Variants in ZBTB44 observed in about 807,000 individuals in gnomAD.
ZBTB44 encodes zinc finger and BTB domain-containing protein 44.
In ZBTB44, 15 loss-of-function variants were observed where a neutral mutation model predicts 54.0. The observed-to-expected ratio is 0.28, with a 90% CI of 0.19 to 0.43. The LOEUF (loss-of-function observed/expected upper bound fraction) is 0.43. Among genes scored for constraint, ZBTB44 ranks in the 20% least tolerant of loss-of-function variants. The probability of loss-of-function intolerance (pLI) is 1.00; values close to 1 mark genes in which losing one functional copy is unlikely to be tolerated. For missense variants in ZBTB44, 487 were observed against 707.1 expected, an observed-to-expected ratio of 0.69 and a Z score of 3.53; for synonymous variants, 230 against 250.1, an observed-to-expected ratio of 0.92 and a Z score of 0.76.
chr11:130,273,235 G>A (rs964416768), intron 1 of ZBTB44, among the ~76,000 whole-genome samples: 21 of 150,998 alleles, frequency 1.4e-4, no homozygotes, highest in Admixed American at 3.3e-4. Context: ...CATGTTGTAA[G>A]TTTTCAGAGT....
intron 1 of ZBTB44, among the ~76,000 whole-genome samples, chr11:130,306,911 AG>A (rs1173588013): frequency 6.6e-6 from 1 of 152,002 alleles, no homozygotes; most frequent in Non-Finnish European, 1.5e-5. Context: ...AAGTGGGGTG[AG>A]GGATAAAAGA....
Position 130,314,444 on chromosome 11 carries a change from A to AGGCGGC in ZBTB44, c.-132_-127dup, listed in dbSNP as rs1015043324. Reference sequence around the variant, plus strand: ...CTTCTCCCGCCAGGCTGGGGCGGCGAGGCGGCGGCGGCGGCGGCCCGGGGG... The same window carrying AGGCGGC: ...CTTCTCCCGCCAGGCTGGGGCGGCGAGGCGGCGGCGGCGGCGGCGGCGGCCCGGGGG... On this transcript the variant is annotated 5_prime_UTR_variant, in exon 1 of 8. Transcript: ENST00000357899. 1.4e-3 allele frequency: 207 copies of AGGCGGC among 151,660 alleles called. 2 individuals are homozygous for AGGCGGC. The highest frequency in any genetic ancestry group is 4.2e-3 in the African/African-American group (170 of 40,356). 9.4% of individuals were successfully genotyped at this position (151,660 alleles called of 1,614,324 possible).
At chr11:130,249,009 C>A (rs1219793655) in intron 2 of ZBTB44, among the ~76,000 whole-genome samples, 1 of 152,086 alleles carries the variant, frequency 6.6e-6, no homozygotes, top group Non-Finnish European at 1.5e-5. Context: ...GAGGCTGAGG[C>A]AGGAGAATTG....
chr11:130,278,029 T>C (rs542016328), intron 1 of ZBTB44, among the ~76,000 whole-genome samples: 14 of 152,340 alleles, frequency 9.2e-5, no homozygotes, highest in Non-Finnish European at 1.9e-4. Context: ...ATTTTAAAGA[T>C]TTTCCCTTTT....
chr11:130,312,692 C>A (rs1230331086), intron 1 of ZBTB44, among the ~76,000 whole-genome samples: 3 of 152,264 alleles, frequency 2.0e-5, no homozygotes, highest in Middle Eastern at 3.4e-3. Flanking sequence ...CTTCATTTTA[C>A]AAAATGACTA....
chr11:130,295,263 G>C (rs1417139992), intron 1 of ZBTB44, among the ~76,000 whole-genome samples: 2 of 152,150 alleles, frequency 1.3e-5, no homozygotes, highest in Non-Finnish European at 2.9e-5. Context: ...ATGAATGTGG[G>C]CTTATCAGAA....
intron 1 of ZBTB44, among the ~76,000 whole-genome samples, chr11:130,287,456 A>G (rs1481858578): frequency 6.6e-6 from 1 of 152,220 alleles, no homozygotes; most frequent in Non-Finnish European, 1.5e-5. Context: ...GTTTTGAGGT[A>G]TATTACTAAA....
At chr11:130,279,308 TA>T (rs757969480) in intron 1 of ZBTB44, among the ~76,000 whole-genome samples, 4,135 of 110,126 alleles carry the variant, frequency 0.038, 117 homozygotes, top group African/African-American at 0.099. Context: ...TACTGTTATT[TA>T]AAAAAAAAAA....
intron 7 of ZBTB44, chr11:130,232,338 TATTCCAAA>T (rs1405290140): frequency 1.3e-5 from 2 of 152,204 alleles, no homozygotes; most frequent in African/African-American, 4.8e-5. Flanking sequence ...CACAGAAACT[TATTCCAAA>T]GTTCACTGCT....
chr11:130,297,606 G>A (rs1343829977), intron 1 of ZBTB44, among the ~76,000 whole-genome samples: 1 of 152,196 alleles, frequency 6.6e-6, no homozygotes, highest in East Asian at 1.9e-4. Context: ...GTATAAAGGG[G>A]ACATTTGTAG....
intron 1 of ZBTB44, among the ~76,000 whole-genome samples, chr11:130,292,385 G>T (rs1293359153): frequency 1.3e-5 from 2 of 152,104 alleles, no homozygotes; most frequent in African/African-American, 4.8e-5. Context: ...CAAGTGATCA[G>T]TAAGTAGTTT....
In ZBTB44 at chr11:130,261,017, T is replaced by C. The variant is rs531356598; in HGVS notation, c.857A>G (p.Asp286Gly). The C allele has an allele frequency of 1.5e-5, 25 of 1,613,740 alleles. No homozygotes were observed. In the South Asian group the frequency reaches 2.6e-4, roughly 17 times the overall value. ...TAATCTTTCTACTTTGACCCGGACATCTTCTTCGGTACCTAAAGGCAAGGT... is the reference window on the plus strand; with the variant it reads ...TAATCTTTCTACTTTGACCCGGACACCTTCTTCGGTACCTAAAGGCAAGGT... ...KTTLPLGTEE[D>G]VRVKVERLSD... The change falls in exon 2 of 8, where the codon GAT (aspartate) becomes GGT (glycine). Residue 286 changes from aspartate to glycine, a missense_variant. Physicochemically the swap from Asp to Gly is moderately conservative, Grantham distance 94 (BLOSUM62 -1). Transcript: ENST00000357899. The surrounding 1 kb of genome is among the most constrained non-coding windows in gnomAD (Gnocchi z 4.8).
chr11:130,305,581 T>C (rs1942222053), intron 1 of ZBTB44, among the ~76,000 whole-genome samples: 1 of 152,216 alleles, frequency 6.6e-6, no homozygotes, highest in Non-Finnish European at 1.5e-5. Flanking sequence ...TGGATCTTTA[T>C]CTTTCATCTT....
At chr11:130,309,184 G>A (rs1050053868) in intron 1 of ZBTB44, among the ~76,000 whole-genome samples, 2 of 152,190 alleles carry the variant, frequency 1.3e-5, no homozygotes, top group Admixed American at 6.5e-5. Context: ...CTTCTCTCTT[G>A]CTGATCTGCC....
At chr11:130,241,338 G>A (rs1041581357) in intron 2 of ZBTB44, among the ~76,000 whole-genome samples, 2 of 152,230 alleles carry the variant, frequency 1.3e-5, no homozygotes, top group African/African-American at 2.4e-5. Flanking sequence ...TAGTATATCA[G>A]AGTTGTGCTG....
chr11:130,295,679 T>C, intron 1 of ZBTB44: 1 of 1,386,400 alleles, frequency 7.2e-7, no homozygotes, highest in South Asian at 1.2e-5. Flanking sequence ...AGCATGAAAG[T>C]ATCAGACCAC....
chr11:130,309,833 T>C (rs895199810), intron 1 of ZBTB44, among the ~76,000 whole-genome samples: 2 of 150,170 alleles, frequency 1.3e-5, no homozygotes, highest in Non-Finnish European at 1.5e-5. Flanking sequence ...CAGAGGTGGA[T>C]TGCAGTGAGC....
chr11:130,292,523 A>G (rs985823669), intron 1 of ZBTB44, among the ~76,000 whole-genome samples: 1 of 152,232 alleles, frequency 6.6e-6, no homozygotes, highest in Non-Finnish European at 1.5e-5. Context: ...AAAATTAAAA[A>G]TTAAAAAAAT....
At chr11:130,275,965 G>C (rs1302232713) in intron 1 of ZBTB44, among the ~76,000 whole-genome samples, 1 of 149,560 alleles carries the variant, frequency 6.7e-6, no homozygotes, top group East Asian at 2.1e-4. Context: ...AGTGGCTCAC[G>C]CCTGTAATCC....
Sources: gnomAD v4.1 joint callset for allele counts (sites outside exome capture counted in the v4.1 genomes callset) on GRCh38, gnomAD v4.1.1 for gene constraint, Gnocchi (gnomAD v3.1) non-coding constraint, MANE v1.5 for transcripts, NCBI Gene and HGNC (gene_info 2026-07-23, HGNC 2026-07-21) for gene names.